Variants in DGKE observed in about 807,000 individuals in gnomAD.
DGKE encodes the protein DAG kinase epsilon.
Under a neutral mutation model 70.0 loss-of-function variants are expected in DGKE, and 53 were observed. The observed-to-expected ratio is 0.76, with a 90% confidence interval of 0.61 to 0.95. The LOEUF is 0.95. Ranked by LOEUF, DGKE falls within the 40% of genes least tolerant of loss-of-function variation. DGKE has a pLI of 0.00. For missense variants in DGKE, 655 were observed against 706.9 expected (o/e 0.93, Z 0.83); for synonymous variants, 291 against 257.0 (o/e 1.13, Z -1.27).
In DGKE at chr17:56,864,261, T is replaced by G. The variant is rs908508495; in HGVS notation, c.*1470T>G. On this transcript the variant is annotated 3_prime_UTR_variant, in exon 12 of 12. Coordinates refer to ENST00000284061, the MANE Select transcript of DGKE (RefSeq NM_003647.3). ...ATGGCCCAGGCTTTGTGGTCTTTCA[T>G]GACATTAATCTCTGAAAGATCAGAA... 1.3e-5 allele frequency: 2 copies of G among 152,234 alleles called. No individual in the cohort carries two copies. The highest frequency in any genetic ancestry group is 2.9e-5 in the Non-Finnish European group (2 of 68,034). 9.4% of individuals were successfully genotyped at this position (152,234 alleles called of 1,614,324 possible).
chr17:56,852,552 C>T (rs1488333171), intron 7 of DGKE, among the ~76,000 whole-genome samples: 1 of 151,894 alleles, frequency 6.6e-6, no homozygotes, highest in Non-Finnish European at 1.5e-5. Context: ...GCAGTGTTTC[C>T]TTTGAAGCCT....
At chr17:56,843,583 A>C (rs7225346) in intron 2 of DGKE, among the ~76,000 whole-genome samples, 107,458 of 151,844 alleles carry the variant, frequency 0.71, 38,457 homozygotes, top group East Asian at 0.91. Context: ...GGATCATTTG[A>C]GGTCTGGAGG....
intron 1 of DGKE, 99 bp from the exon 2 acceptor site, chr17:56,834,679 C>T: frequency 1.7e-6 from 2 of 1,158,472 alleles, no homozygotes; most frequent in Non-Finnish European, 1.2e-6. Flanking sequence ...AGCGGAGCCA[C>T]CTTCACTGAG....
chr17:56,864,765 C>T lies in DGKE; in HGVS notation c.*1974C>T, dbSNP rs1908463818. On this transcript the variant is annotated 3_prime_UTR_variant, in exon 12 of 12. Coordinates refer to ENST00000284061, the MANE Select transcript of DGKE (RefSeq NM_003647.3). ...TTCGTAGTGCTAATTGTAGTAGAAG[C>T]AAATCAATTTAGGATGTTGGAACGA... is the stretch of plus-strand genomic sequence containing the variant. The T allele has an allele frequency of 6.6e-6, 1 of 151,960 alleles. No individual in the cohort carries two copies. The highest frequency in any genetic ancestry group is 1.5e-5 in the Non-Finnish European group (1 of 67,980). The allele number at this position is 151,960 out of a possible 1,614,324, so 9.4% of individuals were successfully genotyped here. A position where few individuals can be genotyped will look rare whatever the true frequency, so the allele number is the denominator to read the frequency against.
At chr17:56,850,614 C>G (rs1315055077) in intron 7 of DGKE, among the ~76,000 whole-genome samples, 1 of 152,146 alleles carries the variant, frequency 6.6e-6, no homozygotes, top group African/African-American at 2.4e-5. Context: ...AACACTGATG[C>G]ATGTTTCTCT....
rs771233285 is a variant in DGKE at position 56,858,632 on chromosome 17, G to T, written c.1251G>T (p.Val417=). ...YLFYGTKDCL[V]QECKDLNKKV... ...TCTATGGAACCAAAGATTGTTTAGT[G>T]CAAGAATGTAAAGATTTGAATAAAA... The change falls in exon 9 of 12, where the codon GTG becomes GTT. Residue 417 remains valine (V), a synonymous_variant. Coordinates refer to ENST00000284061, the MANE Select transcript of DGKE (RefSeq NM_003647.3). 1 of 1,606,392 alleles carries T rather than the reference G, an allele frequency of 6.2e-7. No individual in the cohort carries two copies. Among genetic ancestry groups the T allele is most frequent in the Non-Finnish European group, 8.5e-7 (1 of 1,177,258 alleles).
rs1906484259 is a variant in DGKE, at chr17:56,834,915, T to C, written c.120T>C (p.Cys40=). The C allele has an allele frequency of 6.2e-7, 1 of 1,613,562 alleles. No homozygotes were observed. Among genetic ancestry groups the C allele is most frequent in the African/African-American group, 1.3e-5 (1 of 74,930 alleles). ...TGCCGGTGTTCATCACCTTCTGGTGTAGCCTCCAGCGGTCGCGCCGGCAGC... is the reference window on the plus strand; with the variant it reads ...TGCCGGTGTTCATCACCTTCTGGTGCAGCCTCCAGCGGTCGCGCCGGCAGC... The part of the protein sequence containing the change: ...VLLPVFITFW[C]SLQRSRRQLH... Residue 40 remains cysteine (C), a synonymous_variant, in exon 2 of 12, where the codon TGT becomes TGC. Coordinates refer to ENST00000284061, the MANE Select transcript of DGKE (RefSeq NM_003647.3).
chr17:56,855,020 G>A (rs183080563), intron 7 of DGKE, among the ~76,000 whole-genome samples: 284 of 152,194 alleles, frequency 1.9e-3, no homozygotes, highest in Middle Eastern at 3.4e-3. Flanking sequence ...AGGCACTGTC[G>A]TAGGTGCTGG....
intron 9 of DGKE, among the ~76,000 whole-genome samples, chr17:56,860,520 C>A (rs184315313): frequency 5.1e-4 from 77 of 152,276 alleles, no homozygotes; most frequent in African/African-American, 1.8e-3. Context: ...CAGATTGAGA[C>A]CCTGTCTCCA....
chr17:56,836,367 A>C (rs545168817), intron 2 of DGKE: 18 of 152,370 alleles, frequency 1.2e-4, no homozygotes, highest in African/African-American at 4.3e-4. Context: ...AAGTTTTGTA[A>C]CCATGCATTT....
At chr17:56,835,440 TGAGA>T (rs1287024809) in intron 2 of DGKE, 181 bp downstream of exon 2, 6 of 655,732 alleles carry the variant, frequency 9.2e-6, no homozygotes, top group Non-Finnish European at 1.5e-5. Flanking sequence ...AGTCATTTGC[TGAGA>T]CGATGCATCC....
Position 56,847,943 on chromosome 17 carries a change from C to G in DGKE, c.766C>G (p.Pro256Ala), listed in dbSNP as rs1490298936. 6.4e-7 allele frequency: 1 copy of G among 1,567,330 alleles called. No individual in the cohort carries two copies. The highest frequency in any genetic ancestry group is 1.2e-5 in the South Asian group (1 of 82,028). ...CTAGGTTTTTGATGTAACTAAAACT[C>G]CTCCTATCAAAGCCCTACAACTCTG... ...PVQVFDVTKTPPIKALQLCTL... is the reference protein window; with the variant it reads ...PVQVFDVTKTAPIKALQLCTL... Residue 256 changes from proline (P) to alanine (A), a missense_variant, in exon 5 of 12, where the codon CCT (proline) becomes GCT (alanine). Transcript: ENST00000284061.
intron 7 of DGKE, 114 bp downstream of exon 7, chr17:56,849,346 CAG>C: frequency 5.4e-6 from 5 of 926,450 alleles, no homozygotes; most frequent in Non-Finnish European, 8.2e-6. Context: ...GGCTGTGGAG[CAG>C]AACAGAAGCT....
intron 1 of DGKE, 52 bp from the exon 2 acceptor site, chr17:56,834,726 C>A (rs1906455366): frequency 5.4e-6 from 8 of 1,481,380 alleles, no homozygotes; most frequent in Non-Finnish European, 5.4e-6. Context: ...AGGAAGGGGG[C>A]GGGGAAGGGA....
chr17:56,847,971 C>T lies in DGKE; in HGVS notation c.794C>T (p.Thr265Ile), dbSNP rs763782896. Residue 265 changes from threonine (T) to isoleucine (I), a missense_variant, in exon 5 of 12, where the codon ACT (threonine) becomes ATT (isoleucine). Transcript: ENST00000284061. ...CCTATCAAAGCCCTACAACTCTGTA[C>T]TCTTCTCCCATATTATTCAGCTCGA... ...TPPIKALQLC[T>I]LLPYYSARVL... The T allele has an allele frequency of 3.0e-5, 49 of 1,606,620 alleles. No individual in the cohort carries two copies. Among genetic ancestry groups the T allele is most frequent in the Non-Finnish European group, 4.2e-5 (49 of 1,175,998 alleles).
rs1473243098 is a variant in DGKE at position 56,864,504 on chromosome 17, T to C, written c.*1713T>C. On this transcript the variant is annotated 3_prime_UTR_variant, in exon 12 of 12. Coordinates refer to ENST00000284061, the MANE Select transcript of DGKE (RefSeq NM_003647.3). ...CCTCAGGTGATCTTAAATTCTAGTC[T>C]TGAGAAACTTTGTGAGCAGATCTGT... 6.6e-6 allele frequency: 1 copy of C among 152,172 alleles called. No individual in the cohort carries two copies. The highest frequency in any genetic ancestry group is 1.5e-5 in the Non-Finnish European group (1 of 68,038). 9.4% of individuals were successfully genotyped at this position (152,172 alleles called of 1,614,324 possible).
intron 6 of DGKE, 70 bp downstream of exon 6, chr17:56,848,923 G>C: frequency 6.3e-7 from 1 of 1,592,564 alleles, no homozygotes; most frequent in African/African-American, 1.3e-5. Flanking sequence ...GTGAAGACTT[G>C]TGTAGATGAA....
rs1354203175 is a variant in DGKE, at chr17:56,864,551, T to C, written c.*1760T>C. 1.3e-5 allele frequency: 2 copies of C among 151,982 alleles called. No individual in the cohort carries two copies. Among genetic ancestry groups the C allele is most frequent in the African/African-American group, 4.8e-5 (2 of 41,372 alleles). 9.4% of individuals were successfully genotyped at this position (151,982 alleles called of 1,614,324 possible). On this transcript the variant is annotated 3_prime_UTR_variant, in exon 12 of 12. Transcript: ENST00000284061. ...CTGTTTTCAGCTTCTTTATATACCT[T>C]TCATGGTAAGTAACCATGGCAGTGA... is the stretch of plus-strand genomic sequence containing the variant.
In DGKE at chr17:56,867,866, A is replaced by G. The variant is rs1010869386; in HGVS notation, c.*5075A>G. ...GGCGGAGCTTGCAGCGAGCCGAGAT[A>G]GTGCCACTGCAGTGGGGCCTGGGCC... is the stretch of plus-strand genomic sequence containing the variant. On this transcript the variant is annotated 3_prime_UTR_variant, in exon 12 of 12. Coordinates refer to ENST00000284061, the MANE Select transcript of DGKE (RefSeq NM_003647.3). 1 of 151,822 alleles carries G rather than the reference A, an allele frequency of 6.6e-6. No homozygotes were observed. The highest frequency in any genetic ancestry group is 6.6e-5 in the Admixed American group (1 of 15,210). 9.4% of individuals were successfully genotyped at this position (151,822 alleles called of 1,614,324 possible). A position where few individuals can be genotyped will look rare whatever the true frequency, so the allele number is the denominator to read the frequency against.
Sources: gnomAD v4.1 joint callset for allele counts (sites outside exome capture counted in the v4.1 genomes callset) on GRCh38, gnomAD v4.1.1 for gene constraint, MANE v1.5 for transcripts, NCBI Gene and HGNC (gene_info 2026-07-23, HGNC 2026-07-21) for gene names.